DHX29: variants seen among roughly 807,000 people sequenced by gnomAD.
DHX29 encodes the protein DExH-box helicase 29.
DHX29 carries 79 observed loss-of-function variants against 167.9 expected under a neutral mutation model. That is an observed-to-expected ratio of 0.47 (90% confidence interval 0.39 to 0.57). DHX29 has a LOEUF of 0.57. DHX29 is among the 20% of genes least tolerant of loss of function. The pLI is 0.00. For synonymous variants in DHX29, 530 were observed against 546.0 expected (o/e 0.97, Z 0.41); for missense variants, 1,347 against 1,593.4 (o/e 0.85, Z 2.63).
In DHX29 at chr5:55,283,485, C is replaced by T; in HGVS notation, c.1683G>A (p.Lys561=). The change falls in exon 11 of 27, where the codon AAG becomes AAA. Residue 561 remains lysine, a synonymous_variant. Transcript: ENST00000251636. ...NLFRKLQSTP[K]YQKLLKERQQ... is the part of the protein sequence containing the mutation. ...GTCTTTCCTTTAGAAGTTTCTGATACTTAGGTGTGCTTTGCAACTTTCTAA... is the reference window on the plus strand; with the variant it reads ...GTCTTTCCTTTAGAAGTTTCTGATATTTAGGTGTGCTTTGCAACTTTCTAA... The T allele has an allele frequency of 1.9e-6, 3 of 1,614,160 alleles. No homozygotes were observed. The East Asian group carries it at 6.7e-5, about 36-fold the overall frequency.
chr5:55,301,289 A>G (rs192706542), intron 1 of DHX29, among the ~76,000 whole-genome samples: 11 of 152,336 alleles, frequency 7.2e-5, no homozygotes, highest in African/African-American at 2.4e-4. Flanking sequence ...AATCATGAGA[A>G]AATGAGCGTG....
rs1561138111 is a variant in DHX29, at chr5:55,266,563, T to A, written c.3525+575A>T. ...ACCTCAGGTGATTTTTTTTTTTTTT[T>A]AATGAAAAACTGAGACTTCTAATTC... On this transcript the variant is annotated intron_variant, in intron 23 of 26. Transcript: ENST00000251636. Among the ~76,000 whole-genome samples, 4 of 151,674 alleles carry A rather than the reference T, an allele frequency of 2.6e-5. 1 individual carries two copies. The highest frequency in any genetic ancestry group is 4.2e-4 in the South Asian group (2 of 4,816).
intron 8 of DHX29, among the ~76,000 whole-genome samples, chr5:55,288,656 T>A (rs1011401731): frequency 5.3e-5 from 8 of 152,058 alleles, no homozygotes; most frequent in East Asian, 1.9e-4. Context: ...AAAAATTTTT[T>A]AAAAAAATAA....
chr5:55,295,105 A>G, intron 5 of DHX29: 1 of 282,868 alleles, frequency 3.5e-6, no homozygotes, highest in East Asian at 6.7e-5. Context: ...TGGATGTTCC[A>G]GCCTTGGAAG....
At chr5:55,295,674 T>A (rs1318624294) in intron 4 of DHX29, 150 bp from the exon 5 acceptor site, 4 of 765,582 alleles carry the variant, frequency 5.2e-6, no homozygotes, top group Non-Finnish European at 8.2e-6. Flanking sequence ...AATCTTAAGA[T>A]GAACCTGGTT....
At chr5:55,302,559 G>A (rs1561173043) in intron 1 of DHX29, among the ~76,000 whole-genome samples, 1 of 143,058 alleles carries the variant, frequency 7.0e-6, no homozygotes, top group Non-Finnish European at 1.5e-5. Flanking sequence ...GGCAGAGATT[G>A]TAGTGAGCCA....
At chr5:55,296,463 T>C in intron 3 of DHX29, 114 bp from the exon 4 acceptor site, 1 of 1,276,920 alleles carries the variant, frequency 7.8e-7, no homozygotes, top group Non-Finnish European at 1.0e-6. Context: ...ATTTCAAAAC[T>C]ATCTTTTTTT....
chr5:55,301,725 A>G (rs1014552688), intron 1 of DHX29, among the ~76,000 whole-genome samples: 1 of 151,442 alleles, frequency 6.6e-6, no homozygotes, highest in African/African-American at 2.4e-5. Flanking sequence ...AAAAAAAAAA[A>G]AAAAAAAAAA....
chr5:55,281,355 C>T lies in DHX29; in HGVS notation c.2109+17G>A. ...AAATATTTCAAATTTTTGAATACAA[C>T]TATAGAATCCACTCACCTCATCTAC... On this transcript the variant is annotated intron_variant, in intron 12 of 26. Transcript: ENST00000251636. 6.5e-7 allele frequency: 1 copy of T among 1,541,136 alleles called. No homozygotes were observed.
intron 8 of DHX29, among the ~76,000 whole-genome samples, chr5:55,287,555 T>C (rs1043267262): frequency 1.3e-5 from 2 of 152,200 alleles, no homozygotes; most frequent in African/African-American, 4.8e-5. Context: ...AATACTATAC[T>C]TGCTATATCA....
chr5:55,307,432 C>A lies in DHX29; in HGVS notation c.142G>T (p.Ala48Ser). The stretch of plus-strand genomic sequence containing the variant: ...CTGGAGCCGGCAGCGGCAGCGGCAG[C>A]GGTGGCCGGCCTGGACACTGGCTTC... ...SKKPVSRPATAAAAAAGSREP... is the reference protein window; with the variant it reads ...SKKPVSRPATSAAAAAGSREP... Residue 48 changes from alanine (A) to serine (S), a missense_variant, in exon 1 of 27, where the codon GCT becomes TCT. This residue lies in a region of DHX29 where 405 missense variants were observed against 416.8 expected (regional missense o/e 0.97). Coordinates refer to ENST00000251636, the MANE Select transcript of DHX29 (RefSeq NM_019030.4). The A allele has an allele frequency of 6.2e-7, 1 of 1,612,820 alleles. No homozygotes were observed.
chr5:55,299,213 C>T (rs1384060434), intron 1 of DHX29, among the ~76,000 whole-genome samples: 1 of 152,134 alleles, frequency 6.6e-6, no homozygotes, highest in African/African-American at 2.4e-5. Context: ...AATGCAAATG[C>T]CTACATATCT....
chr5:55,288,918 G>T (rs1356282352), intron 8 of DHX29, among the ~76,000 whole-genome samples: 1 of 152,186 alleles, frequency 6.6e-6, no homozygotes, highest in East Asian at 1.9e-4. Flanking sequence ...AAAAGATCCA[G>T]AATGCCATGC....
chr5:55,303,771 T>G (rs1233310037), intron 1 of DHX29, among the ~76,000 whole-genome samples: 1 of 152,208 alleles, frequency 6.6e-6, no homozygotes, highest in East Asian at 1.9e-4. Flanking sequence ...GTTTAAATGT[T>G]TTCTAAGGGA....
chr5:55,303,079 A>G (rs1748687632), intron 1 of DHX29, among the ~76,000 whole-genome samples: 1 of 152,146 alleles, frequency 6.6e-6, no homozygotes, highest in Non-Finnish European at 1.5e-5. Context: ...AGCACAGACA[A>G]ACTGATTTCC....
intron 24 of DHX29, 38 bp from the exon 25 acceptor site, chr5:55,261,537 T>C (rs1561133437): frequency 2.2e-6 from 3 of 1,364,624 alleles, no homozygotes; most frequent in Admixed American, 2.1e-5. Context: ...CTTCAAAATA[T>C]AAAAATAGAA....
intron 23 of DHX29, among the ~76,000 whole-genome samples, chr5:55,265,277 G>A (rs1208123647): frequency 6.7e-6 from 1 of 149,004 alleles, no homozygotes; most frequent in Admixed American, 6.8e-5. Context: ...AGCATTACAT[G>A]AAAAGCCAGT....
chr5:55,267,081 G>T, intron 23 of DHX29, 57 bp downstream of exon 23: 1 of 1,186,632 alleles, frequency 8.4e-7, no homozygotes, highest in South Asian at 1.4e-5. Flanking sequence ...CTTTTTTCCA[G>T]AATAACTTAT....
At chr5:55,306,637 T>C (rs914140895) in intron 1 of DHX29, among the ~76,000 whole-genome samples, 1 of 152,216 alleles carries the variant, frequency 6.6e-6, no homozygotes, top group Non-Finnish European at 1.5e-5. Context: ...ATCAGACACA[T>C]ACTAAATATT....
Sources: allele counts gnomAD v4.1 joint callset (sites outside exome capture counted in the v4.1 genomes callset), GRCh38; gene constraint gnomAD v4.1.1; regional missense constraint gnomAD v4.1.1; transcripts MANE v1.5; gene names NCBI Gene and HGNC (gene_info 2026-07-23, HGNC 2026-07-21).